Variants in CPLX2 observed in about 807,000 individuals in gnomAD.
CPLX2 encodes the protein complexin-2.
A neutral mutation model predicts 16.3 loss-of-function variants in CPLX2; 5 were observed. The observed-to-expected ratio is 0.31, with a 90% CI of 0.16 to 0.64. The LOEUF (loss-of-function observed/expected upper bound fraction) is 0.64, where lower values mean the gene tolerates loss of function less well. Among genes scored for constraint, CPLX2 ranks in the 30% least tolerant of loss-of-function variants. The probability of loss-of-function intolerance (pLI) is 0.79; values close to 1 mark genes in which losing one functional copy is unlikely to be tolerated. For synonymous variants in CPLX2, 89 were observed against 73.2 expected, an observed-to-expected ratio of 1.22 and a Z score of -1.10; for missense variants, 144 against 181.4, an observed-to-expected ratio of 0.79 and a Z score of 1.18.
intron 2 of CPLX2, among the ~76,000 whole-genome samples, chr5:175,865,634 A>G (rs1759459984): frequency 1.3e-5 from 2 of 152,234 alleles, no homozygotes; most frequent in South Asian, 4.1e-4. Flanking sequence ...GTTGATCTGA[A>G]GCTTCCATGA....
upstream of CPLX2, chr5:175,871,470 A>AGAGG (rs1561790494): frequency 6.7e-6 from 1 of 149,348 alleles, no homozygotes; most frequent in Non-Finnish European, 1.5e-5. Flanking sequence ...AGAGAGAGAG[A>AGAGG]GAGAGAGAGA....
intron 2 of CPLX2, among the ~76,000 whole-genome samples, chr5:175,860,316 C>T (rs1759337545): frequency 6.6e-6 from 1 of 151,818 alleles, no homozygotes; most frequent in Non-Finnish European, 1.5e-5. Context: ...CCAGCTACTG[C>T]AGATGCTGAA....
chr5:175,874,076 C>T (rs1256337970), intron 1 of CPLX2, among the ~76,000 whole-genome samples: 1 of 152,168 alleles, frequency 6.6e-6, no homozygotes, highest in Non-Finnish European at 1.5e-5. Flanking sequence ...CACAAGGACT[C>T]GTATCAGTTT....
chr5:175,859,327 T>C (rs1223885637), intron 2 of CPLX2, among the ~76,000 whole-genome samples: 1 of 152,216 alleles, frequency 6.6e-6, no homozygotes, highest in East Asian at 1.9e-4. Flanking sequence ...GCCTTTCAAA[T>C]GCATCAAATG....
In CPLX2 at chr5:175,874,787, C is replaced by A. The variant is rs552125892; in HGVS notation, c.-89+3082C>A. ...TAAACCAATAGGGGTGGACGAGATT[C>A]CCAAGGGAGACAGAGGGGCAGGAGA... On this transcript the variant is annotated intron_variant, in intron 1 of 3. Coordinates refer to ENST00000393745, the MANE Select transcript of CPLX2 (RefSeq NM_001008220.2). Among the ~76,000 whole-genome samples, 170 of 152,072 alleles carry A rather than the reference C, an allele frequency of 1.1e-3. 1 individual carries two copies. Among genetic ancestry groups the A allele is most frequent in the Non-Finnish European group, 2.0e-3 (134 of 68,000 alleles).
chr5:175,871,464 A>AGAGAGAGAGAGAGAGAGAGAGAGAGAGG (rs1759612961), upstream of CPLX2: 6 of 93,234 alleles, frequency 6.4e-5, 1 homozygote, highest in African/African-American at 2.1e-4. Flanking sequence ...AGAGAGAGAG[A>AGAGAGAGAGAGAGAGAGAGAGAGAGAGG]GAGAGAGAGA....
intron 2 of CPLX2, among the ~76,000 whole-genome samples, chr5:175,824,587 G>A (rs986744778): frequency 6.6e-6 from 1 of 152,236 alleles, no homozygotes; most frequent in South Asian, 2.1e-4. Context: ...ACTTGGCAGT[G>A]AAACAGGCCA....
chr5:175,855,655 C>T (rs1053107017), intron 2 of CPLX2, among the ~76,000 whole-genome samples: 1 of 152,148 alleles, frequency 6.6e-6, no homozygotes, highest in African/African-American at 2.4e-5. Context: ...CAGCTTCAGG[C>T]TCATGCTTTC....
At chr5:175,828,951 G>C (rs1004548678) in intron 2 of CPLX2, among the ~76,000 whole-genome samples, 6 of 152,094 alleles carry the variant, frequency 3.9e-5, no homozygotes, top group African/African-American at 1.4e-4. Context: ...AGTGAGGTCT[G>C]GGGGAGGAAA....
intron 2 of CPLX2, among the ~76,000 whole-genome samples, chr5:175,810,923 C>T (rs1031395680): frequency 1.4e-4 from 22 of 152,176 alleles, no homozygotes; most frequent in African/African-American, 5.3e-4. Flanking sequence ...TTGGTTTAAG[C>T]ATTCAGTGAT....
intron 2 of CPLX2, among the ~76,000 whole-genome samples, chr5:175,815,249 C>T (rs932802410): frequency 6.6e-6 from 1 of 152,072 alleles, no homozygotes; most frequent in East Asian, 1.9e-4. Flanking sequence ...GCTGGGGGCC[C>T]TAGGGGAAGG....
chr5:175,809,648 C>T lies in CPLX2; in HGVS notation c.-89+580C>T, dbSNP rs944307867. On this transcript the variant is annotated intron_variant, in intron 2 of 4. Transcript: ENST00000359546. The surrounding 1 kb of genome is among the most constrained non-coding windows in gnomAD (Gnocchi z 4.4). ...TGCCACCCCCTCCCCAGCCCAGGAT[C>T]CCAACCATCTTATGGGTGGAGGAGT... Among the ~76,000 whole-genome samples, 3 of 152,052 alleles carry T rather than the reference C, an allele frequency of 2.0e-5. No homozygotes were observed. The highest frequency in any genetic ancestry group is 6.6e-5 in the Admixed American group (1 of 15,246).
Position 175,841,583 on chromosome 5 carries a change from A to AC in CPLX2, c.-89+32521dup, listed in dbSNP as rs576429282. On this transcript the variant is annotated intron_variant, in intron 2 of 4. Transcript: ENST00000359546. ...TATGTCTGAGACCTAGATTCCAGGG[A>AC]CCCCCCAAGTCTCTTCCACACTGCA... Among the ~76,000 whole-genome samples the AC allele has an allele frequency of 1.5e-4, 23 of 152,064 alleles. No homozygotes were observed. In the South Asian group the frequency reaches 2.3e-3, roughly 15 times the overall value.
Position 175,880,522 on chromosome 5 carries a change from G to A in CPLX2, c.*477G>A, listed in dbSNP as rs572303854. The A allele has an allele frequency of 9.3e-5, 18 of 192,696 alleles. 1 individual carries two copies. In the South Asian group the frequency reaches 1.6e-3, roughly 17 times the overall value. 11.9% of individuals were successfully genotyped at this position (192,696 alleles called of 1,614,324 possible). ...AAGGGAGTCAGGGGAAGCCTGTCCC[G>A]GGAAGGCCCAGGCTGAGAGGCCCTG... On this transcript the variant is annotated 3_prime_UTR_variant, in exon 4 of 4. Coordinates refer to ENST00000393745, the MANE Select transcript of CPLX2 (RefSeq NM_001008220.2).
At chr5:175,868,346 C>T (rs901153949), upstream of CPLX2, among the ~76,000 whole-genome samples, 1 of 152,206 alleles carries the variant, frequency 6.6e-6, no homozygotes, top group Non-Finnish European at 1.5e-5. Flanking sequence ...CATTGTTCCT[C>T]GATCCTCACA....
At chr5:175,862,020 G>A (rs554737097) in intron 2 of CPLX2, among the ~76,000 whole-genome samples, 6 of 152,302 alleles carry the variant, frequency 3.9e-5, no homozygotes, top group Admixed American at 2.6e-4. Flanking sequence ...CATGAAGCCA[G>A]CATGCCCCTG....
intron 2 of CPLX2, among the ~76,000 whole-genome samples, chr5:175,836,067 T>G (rs1398588132): frequency 6.6e-6 from 1 of 152,090 alleles, no homozygotes; most frequent in Non-Finnish European, 1.5e-5. Context: ...CTCAACTGAC[T>G]AGGCCAGGCG....
chr5:175,878,964 G>A lies in CPLX2; in HGVS notation c.88G>A (p.Ala30Thr), dbSNP rs1390253690. The A allele has an allele frequency of 1.2e-5, 20 of 1,610,482 alleles. No homozygotes were observed. The highest frequency in any genetic ancestry group is 2.2e-5 in the East Asian group (1 of 44,732). Residue 30 changes from alanine (A) to threonine (T), a missense_variant, in exon 3 of 4, where the codon GCG becomes ACG. Physicochemically the swap from Ala to Thr is moderately conservative, Grantham distance 58 (BLOSUM62 0). Transcript: ENST00000393745. ...GGGAGAGGAGGAGAAGGACCCCGAC[G>A]CGCAGAAAAAGGAGGAGGAGCGGCA... ...LGGEEEKDPD[A>T]QKKEEERQEA...
At chr5:175,836,106 T>G (rs1581083787) in intron 2 of CPLX2, among the ~76,000 whole-genome samples, 1 of 152,256 alleles carries the variant, frequency 6.6e-6, no homozygotes, top group South Asian at 2.1e-4. Context: ...ATTCCAGCAC[T>G]TTGGGAGGCC....
Sources: gnomAD v4.1 joint callset for allele counts (sites outside exome capture counted in the v4.1 genomes callset) on GRCh38, gnomAD v4.1.1 for gene constraint, Gnocchi (gnomAD v3.1) non-coding constraint, MANE v1.5 for transcripts, NCBI Gene and HGNC (gene_info 2026-07-23, HGNC 2026-07-21) for gene names.